The following MAP2K6 variants were observed in gnomAD, a reference collection of about 807,000 sequenced individuals.
MAP2K6 encodes the protein mitogen-activated protein kinase kinase 6, also known as dual specificity mitogen-activated protein kinase kinase 6.
MAP2K6 carries 16 observed loss-of-function variants against 53.7 expected under a neutral mutation model. The ratio of observed to expected loss-of-function variants is 0.30; its 90% confidence interval spans 0.20 to 0.45. MAP2K6 has a LOEUF of 0.45. Ranked by LOEUF, MAP2K6 falls within the 20% of genes least tolerant of loss-of-function variation. The probability of loss-of-function intolerance (pLI) is 1.00; values close to 1 mark genes in which losing one functional copy is unlikely to be tolerated. For synonymous variants in MAP2K6, 132 were observed against 143.1 expected (o/e 0.92, Z 0.55); for missense variants, 204 against 411.9 (o/e 0.50, Z 4.37).
At position 69,513,526 on chromosome 17, in the gene MAP2K6, A is replaced by G. The variant is rs189830801; in HGVS notation, c.84-3329A>G. 2.0e-3 allele frequency among the ~76,000 whole-genome samples: 305 copies of G among 152,314 alleles called. 1 individual carries two copies. The highest frequency in any genetic ancestry group is 7.1e-3 in the African/African-American group (295 of 41,576). ...AGACCCTTCTATTAGGTTCAGGGGT[A>G]ATGCAAAGTTAGTATAGGGCCAAGG... is the stretch of plus-strand genomic sequence containing the variant. On this transcript the variant is annotated intron_variant, in intron 2 of 11. Coordinates refer to ENST00000590474, the MANE Select transcript of MAP2K6 (RefSeq NM_002758.4).
At chr17:69,422,522 G>A (rs144522631) in intron 1 of MAP2K6, among the ~76,000 whole-genome samples, 355 of 152,276 alleles carry the variant, frequency 2.3e-3, no homozygotes, top group African/African-American at 7.6e-3. Flanking sequence ...TTTCTGGTCT[G>A]TACATCCCTT....
rs541329315 is a variant in MAP2K6 at position 69,448,249 on chromosome 17, T to C, written c.16+33249T>C. Among the ~76,000 whole-genome samples the C allele has an allele frequency of 5.1e-3, 775 of 151,656 alleles. 13 individuals are homozygous for C. Among genetic ancestry groups the C allele is most frequent in the African/African-American group, 0.018 (733 of 41,058 alleles). The stretch of plus-strand genomic sequence containing the variant: ...TGTAATATGGTTTTGTTTTTGTTTT[T>C]TTTTTTTTTCAAATTCAAGTTTAGT... On this transcript the variant is annotated intron_variant, in intron 1 of 11. Coordinates refer to ENST00000590474, the MANE Select transcript of MAP2K6 (RefSeq NM_002758.4).
rs561592964 is a variant in MAP2K6 at position 69,475,578 on chromosome 17, C to A, written c.17-30202C>A. ...CTCTCACGTGTGTACACACAAAGAA[C>A]ATTTTATATATAACTTCAGAAGTCT... On this transcript the variant is annotated intron_variant, in intron 1 of 11. Coordinates refer to ENST00000590474, the MANE Select transcript of MAP2K6 (RefSeq NM_002758.4). Among the ~76,000 whole-genome samples, 15 of 152,330 alleles carry A rather than the reference C, an allele frequency of 9.8e-5. No homozygotes were observed. The South Asian group carries it at 2.9e-3, about 29-fold the overall frequency.
At chr17:69,483,726 C>T (rs761368729) in intron 1 of MAP2K6, among the ~76,000 whole-genome samples, 2 of 152,000 alleles carry the variant, frequency 1.3e-5, no homozygotes, top group East Asian at 1.9e-4. Context: ...ATCAAGACAG[C>T]GTGATGCTGG....
In MAP2K6 at chr17:69,449,531, G is replaced by GTCTTTCTTTCTT. The variant is rs1229807133; in HGVS notation, c.16+34549_16+34560dup. 6.5e-4 allele frequency among the ~76,000 whole-genome samples: 67 copies of GTCTTTCTTTCTT among 103,390 alleles called. 1 individual carries two copies. Among genetic ancestry groups the GTCTTTCTTTCTT allele is most frequent in the African/African-American group, 2.5e-3 (53 of 21,498 alleles). 67.8% of individuals were successfully genotyped at this position (103,390 alleles called of 152,430 possible). A position where few individuals can be genotyped will look rare whatever the true frequency, so the allele number is the denominator to read the frequency against. On this transcript the variant is annotated intron_variant, in intron 1 of 11. Coordinates refer to ENST00000590474, the MANE Select transcript of MAP2K6 (RefSeq NM_002758.4). ...TTTCTTTCTTTGTCTTTCTTTCTTTGTCTTTCTTTCTTTCTTTCTTTCTTT... is the reference window on the plus strand; with the variant it reads ...TTTCTTTCTTTGTCTTTCTTTCTTTGTCTTTCTTTCTTTCTTTCTTTCTTTCTTTCTTTCTTT...
rs1010098689 is a variant in MAP2K6, at chr17:69,519,529, T to C, written c.366+97T>C. ...GCCTTCACAATCATGGAGCTCTTTC[T>C]TGTTTGACACATCTTGTATACGGGG... On this transcript the variant is annotated intron_variant, in intron 5 of 11. Transcript: ENST00000590474. 35 of 1,467,770 alleles carry C rather than the reference T, an allele frequency of 2.4e-5. No individual in the cohort carries two copies. The African/African-American group carries it at 4.8e-4, about 20-fold the overall frequency. 90.9% of individuals were successfully genotyped at this position (1,467,770 alleles called of 1,614,324 possible).
chr17:69,446,743 C>T (rs1456498421), intron 1 of MAP2K6, among the ~76,000 whole-genome samples: 1 of 152,106 alleles, frequency 6.6e-6, no homozygotes, highest in Non-Finnish European at 1.5e-5. Flanking sequence ...TTTGAGTACC[C>T]CCCACAGACG....
Position 69,551,995 on chromosome 17 carries a change from G to C in MAP2K6, c.*10242G>C, listed in dbSNP as rs529679915. The C allele has an allele frequency of 6.6e-6, 1 of 152,256 alleles. No homozygotes were observed. Among genetic ancestry groups the C allele is most frequent in the East Asian group, 1.9e-4 (1 of 5,182 alleles). The allele number at this position is 152,256 out of a possible 1,614,324, so 9.4% of individuals were successfully genotyped here. ...GAGGTGGATTTCTTCAGCTTTCTTT[G>C]TGCTTCAGTTTCATAGCTGAAAATG... On this transcript the variant is annotated 3_prime_UTR_variant, in exon 12 of 12. Coordinates refer to ENST00000590474, the MANE Select transcript of MAP2K6 (RefSeq NM_002758.4).
At chr17:69,416,058 A>G (rs1022980011) in intron 1 of MAP2K6, among the ~76,000 whole-genome samples, 33 of 152,162 alleles carry the variant, frequency 2.2e-4, no homozygotes, top group African/African-American at 8.0e-4. Flanking sequence ...TTTACCATAG[A>G]GAAAGCATAT....
intron 1 of MAP2K6, chr17:69,502,468 T>C (rs1909217936): frequency 1.0e-6 from 1 of 985,432 alleles, no homozygotes; most frequent in African/African-American, 1.7e-5. Context: ...TGTATTTTAT[T>C]TGATGTAAAC....
At position 69,541,847 on chromosome 17, in the gene MAP2K6, A is replaced by G; in HGVS notation, c.*94A>G. On this transcript the variant is annotated 3_prime_UTR_variant, in exon 12 of 12. Transcript: ENST00000590474. The stretch of plus-strand genomic sequence containing the variant: ...CAGCATCAATAGAAAGTCATCTTTG[A>G]GATAATTTAACCCTGCCTCTCAGAG... The G allele has an allele frequency of 1.1e-6, 1 of 933,792 alleles. No individual in the cohort carries two copies. The highest frequency in any genetic ancestry group is 2.6e-5 in the East Asian group (1 of 38,484). The allele number at this position is 933,792 out of a possible 1,614,324, so 57.8% of individuals were successfully genotyped here.
intron 1 of MAP2K6, among the ~76,000 whole-genome samples, chr17:69,480,609 A>G (rs1299068868): frequency 2.0e-5 from 3 of 152,186 alleles, no homozygotes; most frequent in Non-Finnish European, 1.5e-5. Context: ...TGGATCCTGA[A>G]ACAAGAAGCT....
intron 1 of MAP2K6, among the ~76,000 whole-genome samples, chr17:69,445,301 G>A (rs372034340): frequency 1.9e-4 from 29 of 152,346 alleles, no homozygotes; most frequent in African/African-American, 7.0e-4. Context: ...GTTAAGCAGT[G>A]GAGAGAAAAC....
At chr17:69,471,492 A>AATAG (rs1907980552) in intron 1 of MAP2K6, among the ~76,000 whole-genome samples, 1 of 152,222 alleles carries the variant, frequency 6.6e-6, no homozygotes, top group African/African-American at 2.4e-5. Context: ...AGATGGAAAT[A>AATAG]ATAGACACTG....
intron 1 of MAP2K6, among the ~76,000 whole-genome samples, chr17:69,448,715 C>T (rs534856550): frequency 3.9e-5 from 6 of 152,202 alleles, no homozygotes; most frequent in East Asian, 1.9e-4. Flanking sequence ...TGATTGTTTG[C>T]GGGGCCGGAT....
chr17:69,445,995 A>G (rs1201599329), intron 1 of MAP2K6, among the ~76,000 whole-genome samples: 2 of 152,248 alleles, frequency 1.3e-5, no homozygotes, highest in South Asian at 2.1e-4. Context: ...TGTATTGAAC[A>G]CTGCATAAGA....
intron 1 of MAP2K6, among the ~76,000 whole-genome samples, chr17:69,476,353 C>T (rs941645326): frequency 2.0e-5 from 3 of 152,124 alleles, no homozygotes; most frequent in African/African-American, 4.8e-5. Context: ...GCAGAAATTC[C>T]AGGGCCGGGG....
chr17:69,538,423 G>A (rs1352909579), intron 11 of MAP2K6, among the ~76,000 whole-genome samples: 1 of 152,082 alleles, frequency 6.6e-6, no homozygotes, highest in East Asian at 1.9e-4. Context: ...TCTTCTTACA[G>A]CATTAGTCTT....
intron 1 of MAP2K6, among the ~76,000 whole-genome samples, chr17:69,452,830 G>A (rs932265509): frequency 2.6e-5 from 4 of 152,226 alleles, no homozygotes; most frequent in Non-Finnish European, 5.9e-5. Flanking sequence ...AGCAGAAGTT[G>A]ATTAGGGCGA....
Sources: allele counts gnomAD v4.1 joint callset (sites outside exome capture counted in the v4.1 genomes callset), GRCh38; gene constraint gnomAD v4.1.1; transcripts MANE v1.5; gene names NCBI Gene and HGNC (gene_info 2026-07-23, HGNC 2026-07-21).